Variants in ZFAND3 observed in about 807,000 individuals in gnomAD.
ZFAND3 encodes AN1-type zinc finger protein 3.
A neutral mutation model predicts 29.6 loss-of-function variants in ZFAND3; 10 were observed. That is an observed-to-expected ratio of 0.34 (90% CI 0.21 to 0.57). The LOEUF (loss-of-function observed/expected upper bound fraction) is 0.57, where lower values mean the gene tolerates loss of function less well. Ranked by LOEUF, ZFAND3 falls within the 20% of genes least tolerant of loss-of-function variation. ZFAND3 has a pLI of 0.86. For missense variants in ZFAND3, 230 were observed against 304.5 expected (o/e 0.76, Z 1.82); for synonymous variants, 128 against 112.6 (o/e 1.14, Z -0.87).
At chr6:37,896,610 TTC>T in intron 1 of ZFAND3, among the ~76,000 whole-genome samples, 1 of 146,310 alleles carries the variant, frequency 6.8e-6, no homozygotes, top group Middle Eastern at 3.4e-3. Context: ...CTCTCTCTCT[TTC>T]TTTCTTTTCT....
intron 2 of ZFAND3, among the ~76,000 whole-genome samples, chr6:37,981,343 G>A (rs1002442721): frequency 6.6e-6 from 1 of 152,230 alleles, no homozygotes; most frequent in Non-Finnish European, 1.5e-5. Flanking sequence ...TCTGGAATGA[G>A]AAGACAGCTG....
At position 38,055,713 on chromosome 6, in the gene ZFAND3, A is replaced by T. The variant is rs527493259; in HGVS notation, c.113-5880A>T. ...TGGAACAAGTGCAGTTGAATTTCTC[A>T]TCTCTACTTACTGATTATGAAATTA... On this transcript the variant is annotated intron_variant, in intron 2 of 5. Transcript: ENST00000287218. Among the ~76,000 whole-genome samples, 28 of 152,366 alleles carry T rather than the reference A, an allele frequency of 1.8e-4. 1 individual carries two copies. The highest frequency in any genetic ancestry group is 1.6e-3 in the Admixed American group (24 of 15,308).
intron 1 of ZFAND3, among the ~76,000 whole-genome samples, chr6:37,836,096 G>C (rs957454024): frequency 6.6e-6 from 1 of 152,168 alleles, no homozygotes; most frequent in Non-Finnish European, 1.5e-5. Flanking sequence ...CATAACTGAA[G>C]CCAAGGGAGC....
intron 2 of ZFAND3, among the ~76,000 whole-genome samples, chr6:37,942,538 T>C (rs1159228343): frequency 6.6e-6 from 1 of 152,148 alleles, no homozygotes; most frequent in Non-Finnish European, 1.5e-5. Context: ...TTTTATAATA[T>C]ATCAAGCCAA....
intron 5 of ZFAND3, among the ~76,000 whole-genome samples, chr6:38,139,920 G>A (rs545829745): frequency 2.6e-5 from 4 of 152,222 alleles, no homozygotes; most frequent in Non-Finnish European, 5.9e-5. Flanking sequence ...CTTTGACTAG[G>A]TGGTGGCAGT....
chr6:37,975,123 G>T (rs2127430088), intron 2 of ZFAND3, among the ~76,000 whole-genome samples: 1 of 152,316 alleles, frequency 6.6e-6, no homozygotes, highest in Non-Finnish European at 1.5e-5. Context: ...GGAAGTTTCA[G>T]TTCCTCCATA....
chr6:38,085,657 C>G (rs1006828073), intron 4 of ZFAND3, among the ~76,000 whole-genome samples: 8 of 151,954 alleles, frequency 5.3e-5, no homozygotes, highest in African/African-American at 1.9e-4. Flanking sequence ...CCAGACTGGT[C>G]TCAAACTCTT....
At position 38,153,841 on chromosome 6, in the gene ZFAND3, G is replaced by C; in HGVS notation, c.*1452G>C. The C allele has an allele frequency of 1.0e-6, 1 of 985,554 alleles. No homozygotes were observed. The highest frequency in any genetic ancestry group is 4.7e-5 in the South Asian group (1 of 21,292). The allele number at this position is 985,554 out of a possible 1,614,324, so 61.1% of individuals were successfully genotyped here. ...AGGTGGGTGAGGGCAGGAGGCCCCT[G>C]CGGAGGCAGCGTGGATCTGCCCACA... On this transcript the variant is annotated 3_prime_UTR_variant, in exon 6 of 6. Transcript: ENST00000287218.
chr6:38,013,113 C>G (rs1763188314), intron 2 of ZFAND3, among the ~76,000 whole-genome samples: 1 of 152,186 alleles, frequency 6.6e-6, no homozygotes, highest in African/African-American at 2.4e-5. Flanking sequence ...CTCTGTGTGC[C>G]AGACACTGTT....
intron 5 of ZFAND3, among the ~76,000 whole-genome samples, chr6:38,147,031 A>T (rs1766125851): frequency 6.6e-6 from 1 of 152,190 alleles, no homozygotes; most frequent in Non-Finnish European, 1.5e-5. Context: ...CTGTCACCCG[A>T]GTGCAGTACA....
At chr6:38,079,505 C>G (rs1006252107) in intron 3 of ZFAND3, among the ~76,000 whole-genome samples, 5 of 151,964 alleles carry the variant, frequency 3.3e-5, no homozygotes, top group African/African-American at 1.2e-4. Context: ...TAAAGATTCT[C>G]TTATTTGATA....
intron 4 of ZFAND3, among the ~76,000 whole-genome samples, chr6:38,095,922 A>G (rs1250371382): frequency 6.6e-6 from 1 of 151,936 alleles, no homozygotes; most frequent in East Asian, 1.9e-4. Flanking sequence ...GGTCCCAGCT[A>G]CTTGGGAAAC....
intron 2 of ZFAND3, among the ~76,000 whole-genome samples, chr6:38,040,455 A>G (rs999476323): frequency 2.0e-5 from 3 of 152,102 alleles, no homozygotes; most frequent in Non-Finnish European, 4.4e-5. Flanking sequence ...TTGTATGTAT[A>G]TACTACATTT....
At chr6:37,897,164 C>T (rs1014146193) in intron 1 of ZFAND3, among the ~76,000 whole-genome samples, 4 of 152,070 alleles carry the variant, frequency 2.6e-5, no homozygotes, top group African/African-American at 9.7e-5. Flanking sequence ...AGAATATTTC[C>T]TTCATACCTG....
intron 1 of ZFAND3, among the ~76,000 whole-genome samples, chr6:37,902,432 C>T (rs1765334581): frequency 6.6e-6 from 1 of 152,114 alleles, no homozygotes; most frequent in Admixed American, 6.6e-5. Context: ...GAGATGATAC[C>T]ACTGCACTCT....
At chr6:38,021,345 A>C (rs925648060) in intron 2 of ZFAND3, among the ~76,000 whole-genome samples, 2 of 152,242 alleles carry the variant, frequency 1.3e-5, no homozygotes, top group African/African-American at 4.8e-5. Context: ...GTGAGAGAAG[A>C]GGTAGGAAAG....
intron 1 of ZFAND3, among the ~76,000 whole-genome samples, chr6:37,830,755 C>T (rs1324494510): frequency 6.6e-6 from 1 of 151,838 alleles, no homozygotes; most frequent in Non-Finnish European, 1.5e-5. Context: ...CCTCTTTCCC[C>T]CATGCCTGGT....
chr6:37,979,146 A>G (rs942437709), intron 2 of ZFAND3, among the ~76,000 whole-genome samples: 1 of 152,094 alleles, frequency 6.6e-6, no homozygotes, highest in Admixed American at 6.5e-5. Flanking sequence ...GAGTTTATTG[A>G]TTTGAAATCT....
At chr6:38,010,278 G>GA (rs969770274) in intron 2 of ZFAND3, among the ~76,000 whole-genome samples, 4 of 151,736 alleles carry the variant, frequency 2.6e-5, no homozygotes, top group African/African-American at 4.8e-5. Context: ...AGAGTACGCA[G>GA]AAAAAAAACA....
Sources: allele counts gnomAD v4.1 joint callset (sites outside exome capture counted in the v4.1 genomes callset), GRCh38; gene constraint gnomAD v4.1.1; transcripts MANE v1.5; gene names NCBI Gene and HGNC (gene_info 2026-07-23, HGNC 2026-07-21).